The following TRPM3 variants were observed in gnomAD, a reference collection of about 807,000 sequenced individuals.
TRPM3 encodes transient receptor potential cation channel subfamily M member 3.
Under a neutral mutation model 181.2 loss-of-function variants are expected in TRPM3, and 77 were observed. That is an observed-to-expected ratio of 0.42 (90% confidence interval 0.35 to 0.51). The LOEUF is 0.51. Among genes scored for constraint, TRPM3 ranks in the 20% least tolerant of loss-of-function variants. The probability of loss-of-function intolerance (pLI) is 0.01; values close to 1 mark genes in which losing one functional copy is unlikely to be tolerated. For synonymous variants in TRPM3, 745 were observed against 796.4 expected (o/e 0.94, Z 1.09); for missense variants, 1,759 against 2,196.7 (o/e 0.80, Z 3.98).
Position 70,831,000 on chromosome 9 carries a change from GA to G in TRPM3, c.802-2983del, listed in dbSNP as rs1014268477. 2.0e-4 allele frequency among the ~76,000 whole-genome samples: 30 copies of G among 151,698 alleles called. No individual in the cohort carries two copies. In the East Asian group the frequency reaches 3.7e-3, roughly 19 times the overall value. Reference sequence around the variant, plus strand: ...CGAGATAGAAATCAATGTAAGTAAAGAAAAAAAAATCAGCAGTCTGTTGGCA... The same window carrying G: ...CGAGATAGAAATCAATGTAAGTAAAGAAAAAAAATCAGCAGTCTGTTGGCA... On this transcript the variant is annotated intron_variant, in intron 5 of 25. Transcript: ENST00000677713.
chr9:70,797,838 C>A (rs1276663509), intron 6 of TRPM3, among the ~76,000 whole-genome samples: 8 of 152,124 alleles, frequency 5.3e-5, no homozygotes, highest in Non-Finnish European at 1.2e-4. Flanking sequence ...GGAACCCAGA[C>A]CCTGAAGATG....
intron 1 of TRPM3, among the ~76,000 whole-genome samples, chr9:71,068,896 G>A (rs1200929435): frequency 2.0e-5 from 3 of 152,130 alleles, no homozygotes; most frequent in Non-Finnish European, 2.9e-5. Flanking sequence ...CTTCCATCAT[G>A]GTGGTATAAT....
At chr9:71,194,226 G>T (rs1247000173) in intron 1 of TRPM3, among the ~76,000 whole-genome samples, 1 of 151,886 alleles carries the variant, frequency 6.6e-6, no homozygotes, top group African/African-American at 2.4e-5. Flanking sequence ...ATAGTTTAGG[G>T]TTTCTCTTGG....
At chr9:71,143,143 A>G (rs1392583196) in intron 1 of TRPM3, among the ~76,000 whole-genome samples, 1 of 151,790 alleles carries the variant, frequency 6.6e-6, no homozygotes, top group Non-Finnish European at 1.5e-5. Context: ...GAAAAAAAAA[A>G]AAAAAGAAGT....
At chr9:71,440,192 G>A (rs549307873) in intron 1 of TRPM3, among the ~76,000 whole-genome samples, 1 of 152,202 alleles carries the variant, frequency 6.6e-6, no homozygotes, top group African/African-American at 2.4e-5. Flanking sequence ...AAACTCACTA[G>A]GAAAGGAAGA....
At chr9:71,222,164 T>C (rs2080281681) in intron 1 of TRPM3, among the ~76,000 whole-genome samples, 1 of 152,160 alleles carries the variant, frequency 6.6e-6, no homozygotes, top group South Asian at 2.1e-4. Flanking sequence ...AATGAACAAA[T>C]GACTGACTGA....
chr9:71,232,463 T>A (rs919543738), intron 1 of TRPM3, among the ~76,000 whole-genome samples: 1 of 147,052 alleles, frequency 6.8e-6, no homozygotes, highest in East Asian at 2.0e-4. Flanking sequence ...ATGCATACTC[T>A]AACGCACATG....
At chr9:70,899,462 T>C (rs1169656200) in intron 1 of TRPM3, among the ~76,000 whole-genome samples, 1 of 152,182 alleles carries the variant, frequency 6.6e-6, no homozygotes, top group Non-Finnish European at 1.5e-5. Context: ...CTTCACATCT[T>C]ACACTTGAGC....
intron 1 of TRPM3, among the ~76,000 whole-genome samples, chr9:71,140,226 A>G (rs1487415104): frequency 6.6e-6 from 1 of 152,190 alleles, no homozygotes; most frequent in Non-Finnish European, 1.5e-5. Context: ...TTGCAGCTGA[A>G]TGCTTCAATT....
At chr9:70,851,558 T>A (rs1474959164) in intron 3 of TRPM3, among the ~76,000 whole-genome samples, 1 of 152,192 alleles carries the variant, frequency 6.6e-6, no homozygotes, top group East Asian at 1.9e-4. Flanking sequence ...GGTGAGCAGC[T>A]CACTGGAAAA....
rs533286541 is a variant in TRPM3 at position 70,994,638 on chromosome 9, C to T, written c.177+126540G>A. ...GAAATTTTCCCCCTTCAGTATTTTT[C>T]CCTTTCTGCCTCCAGACCATCTTAC... On this transcript the variant is annotated intron_variant, in intron 1 of 25. Coordinates refer to ENST00000677713, the MANE Select transcript of TRPM3 (RefSeq NM_001366145.2). Among the ~76,000 whole-genome samples the T allele has an allele frequency of 1.4e-4, 21 of 152,126 alleles. No homozygotes were observed. In the East Asian group the frequency reaches 3.7e-3, roughly 27 times the overall value.
intron 1 of TRPM3, among the ~76,000 whole-genome samples, chr9:71,105,150 A>G (rs1019042259): frequency 2.0e-5 from 3 of 152,242 alleles, no homozygotes; most frequent in African/African-American, 7.2e-5. Flanking sequence ...CAGACTGAAG[A>G]AAATGAACAA....
In TRPM3 at chr9:71,121,162, C is replaced by T. The variant is rs1189954862; in HGVS notation, c.177+16G>A. 1 of 1,606,868 alleles carries T rather than the reference C, an allele frequency of 6.2e-7. No individual in the cohort carries two copies. Among genetic ancestry groups the T allele is most frequent in the Non-Finnish European group, 8.5e-7 (1 of 1,177,068 alleles). ...AAAGCACAATTAGCGCCATTCAAAGCTGCAAGTTACAGTACCTTCAGAAGT... is the reference window on the plus strand; with the variant it reads ...AAAGCACAATTAGCGCCATTCAAAGTTGCAAGTTACAGTACCTTCAGAAGT... On this transcript the variant is annotated intron_variant, in intron 1 of 25. Coordinates refer to ENST00000677713, the MANE Select transcript of TRPM3 (RefSeq NM_001366145.2).
intron 1 of TRPM3, among the ~76,000 whole-genome samples, chr9:71,442,062 G>T (rs115235910): frequency 0.013 from 2,024 of 152,318 alleles, 49 homozygotes; most frequent in African/African-American, 0.046. Flanking sequence ...CCTCCTGCAC[G>T]CACAGCATCT....
chr9:70,888,968 G>T (rs1001614979), intron 1 of TRPM3, among the ~76,000 whole-genome samples: 3 of 152,180 alleles, frequency 2.0e-5, no homozygotes, highest in Non-Finnish European at 4.4e-5. Context: ...AGAAGGAAGT[G>T]GGAATACATA....
At chr9:70,673,764 T>C (rs1463875936) in intron 9 of TRPM3, among the ~76,000 whole-genome samples, 1 of 151,642 alleles carries the variant, frequency 6.6e-6, no homozygotes, top group East Asian at 1.9e-4. Flanking sequence ...CCATCTCTAC[T>C]GAAAATACAA....
chr9:70,972,708 C>T (rs886762053), intron 1 of TRPM3, among the ~76,000 whole-genome samples: 2 of 152,036 alleles, frequency 1.3e-5, no homozygotes, highest in East Asian at 1.9e-4. Context: ...AATAAGTCTT[C>T]GGACTTGAAT....
chr9:71,290,460 A>G (rs1248773817), intron 1 of TRPM3, among the ~76,000 whole-genome samples: 3 of 152,166 alleles, frequency 2.0e-5, no homozygotes, highest in East Asian at 3.8e-4. Flanking sequence ...AGTTCCAATA[A>G]TTGAATGTCC....
At chr9:71,152,940 A>G (rs1381429765) in intron 1 of TRPM3, among the ~76,000 whole-genome samples, 1 of 152,180 alleles carries the variant, frequency 6.6e-6, no homozygotes, top group African/African-American at 2.4e-5. Flanking sequence ...GAAAGACTGC[A>G]AGTTGATTAG....
Sources: allele counts gnomAD v4.1 joint callset (sites outside exome capture counted in the v4.1 genomes callset), GRCh38; gene constraint gnomAD v4.1.1; transcripts MANE v1.5; gene names NCBI Gene and HGNC (gene_info 2026-07-23, HGNC 2026-07-21).